AUTS2: variants seen among roughly 807,000 people sequenced by gnomAD.
The protein encoded by AUTS2 is autism susceptibility gene 2 protein.
In AUTS2, 17 loss-of-function variants were observed where a neutral mutation model predicts 112.4. That is an observed-to-expected ratio of 0.15 (90% confidence interval 0.10 to 0.23). The LOEUF (loss-of-function observed/expected upper bound fraction) is 0.23, where lower values mean the gene tolerates loss of function less well. Ranked by LOEUF, AUTS2 falls within the 10% of genes least tolerant of loss-of-function variation. The probability of loss-of-function intolerance (pLI) is 1.00; values close to 1 mark genes in which losing one functional copy is unlikely to be tolerated. For missense variants in AUTS2, 1,510 were observed against 1,701.6 expected, an observed-to-expected ratio of 0.89 and a Z score of 1.98; for synonymous variants, 751 against 702.7, an observed-to-expected ratio of 1.07 and a Z score of -1.09.
At chr7:70,560,463 T>G (rs1202374933) in intron 5 of AUTS2, among the ~76,000 whole-genome samples, 1 of 152,226 alleles carries the variant, frequency 6.6e-6, no homozygotes, top group Non-Finnish European at 1.5e-5. Flanking sequence ...AAGGAATATG[T>G]TTGGGCTGGA....
intron 5 of AUTS2, among the ~76,000 whole-genome samples, chr7:70,590,262 A>G (rs939025478): frequency 6.6e-6 from 1 of 152,090 alleles, no homozygotes; most frequent in Non-Finnish European, 1.5e-5. Flanking sequence ...TTTGATGACA[A>G]CCTGCGAGGA....
Position 70,631,696 on chromosome 7 carries a change from GC to G in AUTS2, c.691-66869del, listed in dbSNP as rs1805270225. ...GAGAATACAGTCAGCACCATTTATA[GC>G]CCCATGTCCCCAACCTTAGCCTTTG... On this transcript the variant is annotated intron_variant, in intron 5 of 18. Coordinates refer to ENST00000342771, the MANE Select transcript of AUTS2 (RefSeq NM_015570.4). The surrounding 1 kb of genome is among the most constrained non-coding windows in gnomAD (Gnocchi z 4.5). Among the ~76,000 whole-genome samples the G allele has an allele frequency of 6.6e-6, 1 of 152,150 alleles. No homozygotes were observed. The highest frequency in any genetic ancestry group is 1.5e-5 in the Non-Finnish European group (1 of 68,026).
chr7:70,137,326 A>G lies in AUTS2; in HGVS notation c.660+2755A>G, dbSNP rs1192263047. 3.3e-5 allele frequency among the ~76,000 whole-genome samples: 5 copies of G among 152,138 alleles called. No homozygotes were observed. In the South Asian group the frequency reaches 1.0e-3, roughly 31 times the overall value. ...GTTATACACACAGAGAGACACACAT[A>G]TATATTCATTACATACTCATGCCCA... On this transcript the variant is annotated intron_variant, in intron 4 of 18. Transcript: ENST00000342771.
At chr7:70,178,187 C>T (rs770855228) in intron 4 of AUTS2, among the ~76,000 whole-genome samples, 7 of 152,202 alleles carry the variant, frequency 4.6e-5, no homozygotes, top group Non-Finnish European at 1.0e-4. Context: ...AACATGATGT[C>T]CTTTAGCCCC....
intron 4 of AUTS2, among the ~76,000 whole-genome samples, chr7:70,279,409 G>A (rs951140339): frequency 4.6e-5 from 7 of 152,170 alleles, no homozygotes; most frequent in Non-Finnish European, 1.0e-4. Flanking sequence ...GAACCCGAAC[G>A]AGGCTACTCC....
At chr7:69,781,950 A>G (rs1789160783) in intron 1 of AUTS2, among the ~76,000 whole-genome samples, 1 of 152,180 alleles carries the variant, frequency 6.6e-6, no homozygotes. Flanking sequence ...CCCTTCTCTT[A>G]AGTGGAGGCA....
rs142948056 is a variant in AUTS2, at chr7:69,724,822, A to C, written c.309+124860A>C. Among the ~76,000 whole-genome samples the C allele has an allele frequency of 2.3e-3, 353 of 152,326 alleles. 1 individual carries two copies. The highest frequency in any genetic ancestry group is 7.5e-3 in the African/African-American group (310 of 41,572). On this transcript the variant is annotated intron_variant, in intron 1 of 18. Transcript: ENST00000342771. ...ATAAAGGACCCTTAATTGGTTGTAG[A>C]GGAACAACTTTTTGGGGATCCATGT...
chr7:69,770,629 C>G (rs545545978), intron 1 of AUTS2, among the ~76,000 whole-genome samples: 1 of 152,246 alleles, frequency 6.6e-6, no homozygotes, highest in African/African-American at 2.4e-5. Context: ...TACATCACAA[C>G]TTTGCAGAGC....
intron 4 of AUTS2, among the ~76,000 whole-genome samples, chr7:70,400,450 G>C (rs1253646635): frequency 1.3e-5 from 2 of 152,156 alleles, no homozygotes; most frequent in African/African-American, 4.8e-5. Flanking sequence ...GATGCAAATG[G>C]AGAAGGAAGG....
intron 2 of AUTS2, among the ~76,000 whole-genome samples, chr7:69,926,766 CTA>C (rs956568745): frequency 1.4e-5 from 2 of 143,056 alleles, no homozygotes; most frequent in African/African-American, 5.1e-5. Context: ...TATATATACA[CTA>C]TATATAATAA....
At chr7:70,644,931 T>C (rs1035608629) in intron 5 of AUTS2, among the ~76,000 whole-genome samples, 1 of 152,166 alleles carries the variant, frequency 6.6e-6, no homozygotes, top group African/African-American at 2.4e-5. Context: ...GGCGGGCCTC[T>C]GGTATTTCCT....
intron 1 of AUTS2, among the ~76,000 whole-genome samples, chr7:69,898,015 T>C (rs1794824605): frequency 6.6e-6 from 1 of 152,202 alleles, no homozygotes; most frequent in South Asian, 2.1e-4. Context: ...TACATTTAGA[T>C]AGTAAAAAAT....
At chr7:69,749,548 A>G (rs1159642236) in intron 1 of AUTS2, among the ~76,000 whole-genome samples, 2 of 152,064 alleles carry the variant, frequency 1.3e-5, no homozygotes, top group Non-Finnish European at 2.9e-5. Context: ...ATTTTTCTGT[A>G]AATAGCCAAT....
rs568717478 is a variant in AUTS2, at chr7:70,789,507, C to T, written c.2532-241C>T. On this transcript the variant is annotated intron_variant, in intron 18 of 18. Coordinates refer to ENST00000342771, the MANE Select transcript of AUTS2 (RefSeq NM_015570.4). ...CATGCAGAGAGATTCTTGCTCCCAG[C>T]AGACTCCCCCTCACCCTCATCCCTG... 2.0e-5 allele frequency among the ~76,000 whole-genome samples: 3 copies of T among 152,232 alleles called. No homozygotes were observed. In the East Asian group the frequency reaches 5.8e-4, roughly 30 times the overall value.
intron 5 of AUTS2, among the ~76,000 whole-genome samples, chr7:70,657,720 C>T (rs1806847512): frequency 6.6e-6 from 1 of 152,150 alleles, no homozygotes; most frequent in Non-Finnish European, 1.5e-5. Flanking sequence ...GTCATCAGGG[C>T]TTTTTTTCCA....
At chr7:70,288,408 C>CA (rs944293282) in intron 4 of AUTS2, among the ~76,000 whole-genome samples, 105 of 150,384 alleles carry the variant, frequency 7.0e-4, no homozygotes, top group Admixed American at 1.8e-3. Context: ...TCTCAAAAAA[C>CA]AAAAAAAAAG....
chr7:70,230,091 C>CT (rs56080562), intron 4 of AUTS2, among the ~76,000 whole-genome samples: 8 of 151,608 alleles, frequency 5.3e-5, no homozygotes, highest in African/African-American at 1.9e-4. Flanking sequence ...TATCTATTGA[C>CT]TTTTTTTTCC....
At chr7:70,229,301 T>C (rs1196310509) in intron 4 of AUTS2, among the ~76,000 whole-genome samples, 5 of 152,074 alleles carry the variant, frequency 3.3e-5, no homozygotes, top group Admixed American at 3.3e-4. Context: ...ATTTCTTAAT[T>C]TTGCCTTCAT....
intron 2 of AUTS2, among the ~76,000 whole-genome samples, chr7:70,023,083 G>A (rs1051312017): frequency 1.3e-5 from 2 of 152,092 alleles, no homozygotes; most frequent in African/African-American, 4.8e-5. Context: ...GGCCTCAAGT[G>A]ATCTTTCTGC....
Sources: allele counts gnomAD v4.1 joint callset (sites outside exome capture counted in the v4.1 genomes callset), GRCh38; gene constraint gnomAD v4.1.1; non-coding constraint Gnocchi (gnomAD v3.1); transcripts MANE v1.5; gene names NCBI Gene and HGNC (gene_info 2026-07-23, HGNC 2026-07-21).